Variants in PVALB observed in about 807,000 individuals in gnomAD.
The protein encoded by PVALB is parvalbumin alpha.
PVALB carries 11 observed loss-of-function variants against 10.9 expected under a neutral mutation model. The observed-to-expected ratio is 1.01, with a 90% confidence interval of 0.63 to 1.67. PVALB has a LOEUF of 1.67. Ranked by LOEUF, PVALB falls within the 40% of genes most tolerant of loss-of-function variation. PVALB has a pLI of 0.00. For synonymous variants in PVALB, 57 were observed against 50.7 expected (o/e 1.12, Z -0.53); for missense variants, 131 against 136.2 (o/e 0.96, Z 0.19).
Position 36,813,746 on chromosome 22 carries a change from T to C in PVALB, c.204A>G (p.Leu68=). Residue 68 remains leucine, a synonymous_variant, in exon 3 of 4, where the codon CTA becomes CTG. Transcript: ENST00000417718. ...FIEEDELGFI[L]KGFSPDARDL... is the part of the protein sequence containing the mutation. ...CTCTGGCATCTGGGGAGAAGCCTTTTAGGATGAATCTGGAGGAGAAAAGGG... is the reference window on the plus strand; with the variant it reads ...CTCTGGCATCTGGGGAGAAGCCTTTCAGGATGAATCTGGAGGAGAAAAGGG... 2.5e-6 allele frequency: 4 copies of C among 1,611,910 alleles called. No homozygotes were observed. The highest frequency in any genetic ancestry group is 3.4e-6 in the Non-Finnish European group (4 of 1,178,034).
chr22:36,800,824 G>A lies in PVALB; in HGVS notation c.*66C>T. ...GAACTGAACAGAAATGCAGGAGGGTGGCGAGAGGGGCCGAGATTGGGTGTT... is the reference window on the plus strand; with the variant it reads ...GAACTGAACAGAAATGCAGGAGGGTAGCGAGAGGGGCCGAGATTGGGTGTT... On this transcript the variant is annotated 3_prime_UTR_variant, in exon 4 of 4. Transcript: ENST00000417718. 6.6e-7 allele frequency: 1 copy of A among 1,506,078 alleles called. No individual in the cohort carries two copies. The highest frequency in any genetic ancestry group is 1.7e-5 in the Admixed American group (1 of 59,850). The allele number at this position is 1,506,078 out of a possible 1,614,324, so 93.3% of individuals were successfully genotyped here.
At chr22:36,812,606 G>A (rs967029036) in intron 3 of PVALB, among the ~76,000 whole-genome samples, 1 of 152,212 alleles carries the variant, frequency 6.6e-6, no homozygotes. Context: ...GAGGCTCAGA[G>A]TAGTTATCAA....
intron 3 of PVALB, among the ~76,000 whole-genome samples, chr22:36,811,243 A>T (rs542021595): frequency 6.6e-6 from 1 of 151,784 alleles, no homozygotes; most frequent in African/African-American, 2.4e-5. Context: ...ACACCACTGC[A>T]CTCCAGCCTG....
intron 3 of PVALB, among the ~76,000 whole-genome samples, chr22:36,803,949 A>G (rs1038308446): frequency 6.6e-6 from 1 of 152,174 alleles, no homozygotes; most frequent in African/African-American, 2.4e-5. Flanking sequence ...TACTCCTGAG[A>G]GGGCTAGTGT....
At chr22:36,815,280 T>C (rs200350832) in intron 1 of PVALB, 45 bp from the exon 2 acceptor site, 110 of 1,611,508 alleles carry the variant, frequency 6.8e-5, no homozygotes, top group Admixed American at 3.3e-4. Flanking sequence ...GAAAGGCTGG[T>C]AGGGAAGCCT....
intron 1 of PVALB, 33 bp from the exon 2 acceptor site, chr22:36,815,268 C>A (rs1939120848): frequency 6.2e-7 from 1 of 1,613,520 alleles, no homozygotes; most frequent in Admixed American, 1.7e-5. Context: ...AAACAAGGAC[C>A]AGAAAGGCTG....
intron 3 of PVALB, among the ~76,000 whole-genome samples, chr22:36,811,251 C>T (rs1939041608): frequency 6.6e-6 from 1 of 151,050 alleles, no homozygotes; most frequent in South Asian, 2.1e-4. Context: ...GCACTCCAGC[C>T]TGGGTGACAG....
At chr22:36,811,282 A>AATAAATAC (rs1939042266) in intron 3 of PVALB, among the ~76,000 whole-genome samples, 1 of 88,172 alleles carries the variant, frequency 1.1e-5, no homozygotes, top group South Asian at 3.1e-4. Context: ...TCTCTAAATA[A>AATAAATAC]ATAAATAAAT....
At chr22:36,811,498 T>G in intron 3 of PVALB, 1 of 470,014 alleles carries the variant, frequency 2.1e-6, no homozygotes, top group Non-Finnish European at 4.4e-6. Flanking sequence ...GGGCACAGAG[T>G]TGCTACTCAG....
chr22:36,812,236 G>A (rs565890670), intron 3 of PVALB, among the ~76,000 whole-genome samples: 1 of 152,338 alleles, frequency 6.6e-6, no homozygotes, highest in South Asian at 2.1e-4. Flanking sequence ...GCAAGGGGCA[G>A]AGAAGGAGCA....
chr22:36,809,128 C>T (rs1044954068), intron 3 of PVALB, among the ~76,000 whole-genome samples: 1 of 152,212 alleles, frequency 6.6e-6, no homozygotes, highest in African/African-American at 2.4e-5. Flanking sequence ...CTGGTTTGGG[C>T]TCCCTGGCAC....
intron 3 of PVALB, among the ~76,000 whole-genome samples, chr22:36,810,969 G>A (rs568506104): frequency 2.6e-4 from 40 of 152,160 alleles, no homozygotes; most frequent in Non-Finnish European, 4.1e-4. Context: ...CAAGCAATTT[G>A]CAGACAATAA....
At chr22:36,808,099 G>T (rs1206798628) in intron 3 of PVALB, among the ~76,000 whole-genome samples, 1 of 152,236 alleles carries the variant, frequency 6.6e-6, no homozygotes. Flanking sequence ...TGCACACGGG[G>T]CATGCGGATC....
At chr22:36,803,088 T>C (rs58290180) in intron 3 of PVALB, among the ~76,000 whole-genome samples, 5,042 of 152,308 alleles carry the variant, frequency 0.033, 118 homozygotes, top group South Asian at 0.058. Context: ...TTTGCATATA[T>C]TATCTCATTG....
intron 3 of PVALB, among the ~76,000 whole-genome samples, chr22:36,808,336 ACACT>A (rs1347116322): frequency 6.6e-6 from 1 of 152,156 alleles, no homozygotes; most frequent in Non-Finnish European, 1.5e-5. Context: ...GTTGGTCAAC[ACACT>A]CTGCGGGGGC....
chr22:36,816,730 GCGCCCTCTTCCC>G (rs1056310888), intron 1 of PVALB, among the ~76,000 whole-genome samples: 9 of 152,188 alleles, frequency 5.9e-5, no homozygotes, highest in African/African-American at 2.2e-4. Context: ...CTTAGGCGGG[GCGCCCTCTTCCC>G]CGCCCGCTCC....
chr22:36,801,046 C>T (rs745712941), intron 3 of PVALB, 128 bp from the exon 4 acceptor site: 18 of 839,840 alleles, frequency 2.1e-5, no homozygotes, highest in Middle Eastern at 2.7e-4. Context: ...AGCCCCAGAG[C>T]GTAAGTGTGA....
upstream of PVALB, chr22:36,817,360 C>A (rs886250697): frequency 3.2e-5 from 6 of 187,938 alleles, no homozygotes; most frequent in South Asian, 1.9e-4. Flanking sequence ...GTCCACCTGC[C>A]GTCAAGGACA....
intron 3 of PVALB, among the ~76,000 whole-genome samples, chr22:36,803,565 A>AGATG (rs75790163): frequency 0.19 from 29,075 of 149,900 alleles, 3,275 homozygotes; most frequent in African/African-American, 0.3. Flanking sequence ...GATGGGGGGT[A>AGATG]GATGGATGGA....
Sources: gnomAD v4.1 joint callset for allele counts (sites outside exome capture counted in the v4.1 genomes callset) on GRCh38, gnomAD v4.1.1 for gene constraint, MANE v1.5 for transcripts, NCBI Gene and HGNC (gene_info 2026-07-23, HGNC 2026-07-21) for gene names.